PRKN: variants seen among roughly 807,000 people sequenced by gnomAD.
PRKN encodes E3 ubiquitin-protein ligase parkin.
In PRKN, 56 loss-of-function variants were observed where a neutral mutation model predicts 59.5. The ratio of observed to expected loss-of-function variants is 0.94; its 90% confidence interval spans 0.76 to 1.18. The LOEUF (loss-of-function observed/expected upper bound fraction) is 1.18. Ranked by LOEUF, PRKN falls within the 50% of genes most tolerant of loss-of-function variation. PRKN has a pLI of 0.00. For missense variants in PRKN, 657 were observed against 596.4 expected, an observed-to-expected ratio of 1.10 and a Z score of -1.06; for synonymous variants, 250 against 222.1, an observed-to-expected ratio of 1.13 and a Z score of -1.12.
At chr6:162,128,688 A>G (rs1307415264) in intron 4 of PRKN, among the ~76,000 whole-genome samples, 4 of 152,192 alleles carry the variant, frequency 2.6e-5, no homozygotes, top group African/African-American at 4.8e-5. Flanking sequence ...CTAATCCCCA[A>G]TGTGATAGCA....
chr6:161,767,321 G>A (rs1457400326), intron 7 of PRKN, among the ~76,000 whole-genome samples: 7 of 152,130 alleles, frequency 4.6e-5, no homozygotes, highest in Admixed American at 4.6e-4. Flanking sequence ...AGACCATCCT[G>A]GCTAACACGG....
At chr6:162,672,191 ATGT>A (rs909397258) in intron 1 of PRKN, among the ~76,000 whole-genome samples, 4 of 152,156 alleles carry the variant, frequency 2.6e-5, no homozygotes. Flanking sequence ...TACACTAAAG[ATGT>A]TGTCTTATTG....
intron 7 of PRKN, among the ~76,000 whole-genome samples, chr6:161,783,903 A>T (rs1790311272): frequency 6.6e-6 from 1 of 152,208 alleles, no homozygotes; most frequent in Admixed American, 6.5e-5. Flanking sequence ...TAATTTACAA[A>T]GTCAACAAAG....
intron 1 of PRKN, among the ~76,000 whole-genome samples, chr6:162,698,176 T>C (rs1778031191): frequency 6.6e-6 from 1 of 152,222 alleles, no homozygotes; most frequent in Admixed American, 6.5e-5. Context: ...AAGGCATACG[T>C]GTCCACTGGC....
chr6:162,371,573 C>A (rs1785772106), intron 2 of PRKN, among the ~76,000 whole-genome samples: 1 of 152,186 alleles, frequency 6.6e-6, no homozygotes, highest in African/African-American at 2.4e-5. Flanking sequence ...ATCTACTCCA[C>A]TGGTTGCTGT....
intron 1 of PRKN, among the ~76,000 whole-genome samples, chr6:162,508,038 G>A (rs891932286): frequency 6.6e-6 from 1 of 152,172 alleles, no homozygotes. Context: ...CCAAGACTGG[G>A]CAATTTACAA....
intron 7 of PRKN, among the ~76,000 whole-genome samples, chr6:161,703,170 T>C (rs1302785409): frequency 6.6e-6 from 1 of 151,972 alleles, no homozygotes; most frequent in African/African-American, 2.4e-5. Flanking sequence ...TAGCCAGGCA[T>C]GGTAGCACCT....
At chr6:162,130,087 TACAG>T (rs984647175) in intron 4 of PRKN, among the ~76,000 whole-genome samples, 2 of 152,122 alleles carry the variant, frequency 1.3e-5, no homozygotes, top group African/African-American at 4.8e-5. Context: ...CATCTTATTG[TACAG>T]ACCCTACCAA....
chr6:162,440,967 T>C (rs184395193), intron 2 of PRKN, among the ~76,000 whole-genome samples: 115 of 152,244 alleles, frequency 7.6e-4, no homozygotes, highest in African/African-American at 2.6e-3. Context: ...ATTACATGTG[T>C]AACTTCCTAG....
intron 4 of PRKN, among the ~76,000 whole-genome samples, chr6:162,197,772 T>C (rs190666974): frequency 5.1e-4 from 77 of 152,352 alleles, no homozygotes; most frequent in African/African-American, 1.8e-3. Context: ...TTGCTATGCT[T>C]CATTTCATTA....
At chr6:162,269,167 C>A (rs1780263812) in intron 2 of PRKN, among the ~76,000 whole-genome samples, 2 of 152,154 alleles carry the variant, frequency 1.3e-5, no homozygotes, top group Admixed American at 1.3e-4. Context: ...GAGATCCCGT[C>A]ACCCCAGGGA....
intron 2 of PRKN, among the ~76,000 whole-genome samples, chr6:162,353,596 A>T (rs1784715765): frequency 6.6e-6 from 1 of 152,148 alleles, no homozygotes; most frequent in Non-Finnish European, 1.5e-5. Context: ...CATGAATAAT[A>T]CACAATCTGC....
intron 1 of PRKN, among the ~76,000 whole-genome samples, chr6:162,611,989 T>G (rs1199167495): frequency 2.0e-5 from 3 of 150,628 alleles, no homozygotes; most frequent in Non-Finnish European, 4.4e-5. Flanking sequence ...ATCGAGACCA[T>G]CCTGGCTAAC....
intron 6 of PRKN, among the ~76,000 whole-genome samples, chr6:161,831,182 C>T (rs1303310599): frequency 6.6e-6 from 1 of 152,232 alleles, no homozygotes; most frequent in African/African-American, 2.4e-5. Flanking sequence ...ATGCAAACAA[C>T]TGGAGAAACA....
At position 162,665,133 on chromosome 6, in the gene PRKN, C is replaced by T. The variant is rs146575733; in HGVS notation, c.7+62529G>A. ...TTTGACAACCAGTACAAGACAAGGA[C>T]GCCCCCTCTCACCACTCCTATTCAA... On this transcript the variant is annotated intron_variant, in intron 1 of 11. Coordinates refer to ENST00000366898, the MANE Select transcript of PRKN (RefSeq NM_004562.3). 6.8e-4 allele frequency among the ~76,000 whole-genome samples: 103 copies of T among 152,096 alleles called. 2 individuals carry two copies. In the East Asian group the frequency reaches 0.015, roughly 22 times the overall value.
At chr6:162,128,242 T>C (rs1781199588) in intron 4 of PRKN, among the ~76,000 whole-genome samples, 1 of 152,186 alleles carries the variant, frequency 6.6e-6, no homozygotes, top group African/African-American at 2.4e-5. Context: ...AGAAAATATG[T>C]AGATGTCAAA....
At position 161,801,165 on chromosome 6, in the gene PRKN, C is replaced by G. The variant is rs543239940; in HGVS notation, c.735-15257G>C. Reference sequence around the variant, plus strand: ...ACCGGTGACGGAGCAGGCACCAGAGCCAGCGCTGCATAAGTTCCACCCACA... The same window carrying G: ...ACCGGTGACGGAGCAGGCACCAGAGGCAGCGCTGCATAAGTTCCACCCACA... On this transcript the variant is annotated intron_variant, in intron 6 of 11. Transcript: ENST00000366898. 2.7e-3 allele frequency among the ~76,000 whole-genome samples: 410 copies of G among 152,302 alleles called. 2 individuals carry two copies. Among genetic ancestry groups the G allele is most frequent in the Non-Finnish European group, 4.8e-3 (328 of 68,028 alleles).
intron 7 of PRKN, among the ~76,000 whole-genome samples, chr6:161,681,558 A>T (rs1242988106): frequency 6.6e-6 from 1 of 152,112 alleles, no homozygotes; most frequent in Non-Finnish European, 1.5e-5. Flanking sequence ...GATTTCCTAC[A>T]ATGCTCATTT....
intron 6 of PRKN, among the ~76,000 whole-genome samples, chr6:161,959,417 A>G (rs1157799395): frequency 6.6e-6 from 1 of 152,162 alleles, no homozygotes; most frequent in East Asian, 1.9e-4. Flanking sequence ...TCCGCCCATA[A>G]CAGTCTCCTG....
Sources: allele counts gnomAD v4.1 joint callset (sites outside exome capture counted in the v4.1 genomes callset), GRCh38; gene constraint gnomAD v4.1.1; transcripts MANE v1.5; gene names NCBI Gene and HGNC (gene_info 2026-07-23, HGNC 2026-07-21).